The following NUDT12 variants were observed in gnomAD, a reference collection of about 807,000 sequenced individuals.
NUDT12 encodes NAD-capped RNA hydrolase NUDT12.
In NUDT12, 42 loss-of-function variants were observed where a neutral mutation model predicts 45.7. The ratio of observed to expected loss-of-function variants is 0.92; its 90% CI spans 0.72 to 1.19. The LOEUF is 1.19. NUDT12 is among the 50% of genes most tolerant of loss of function. NUDT12 has a pLI of 0.00. For synonymous variants in NUDT12, 206 were observed against 179.7 expected, an observed-to-expected ratio of 1.15 and a Z score of -1.17; for missense variants, 590 against 533.1, an observed-to-expected ratio of 1.11 and a Z score of -1.05.
rs1226330419 is a variant in NUDT12 at position 103,549,192 on chromosome 5, A to T, written c.*1669T>A. 2 of 152,080 alleles carry T rather than the reference A, an allele frequency of 1.3e-5. No homozygotes were observed. The highest frequency in any genetic ancestry group is 6.6e-5 in the Admixed American group (1 of 15,266). 9.4% of individuals were successfully genotyped at this position (152,080 alleles called of 1,614,324 possible). On this transcript the variant is annotated 3_prime_UTR_variant, in exon 7 of 7. Transcript: ENST00000230792. ...AAAAGTACATTTAGAGTAAAACTGA[A>T]TTTCAAGATGCTCTATTTCATAATA...
chr5:103,555,475 ATTC>A (rs1748785118), intron 4 of NUDT12, among the ~76,000 whole-genome samples: 1 of 151,972 alleles, frequency 6.6e-6, no homozygotes, highest in South Asian at 2.1e-4. Context: ...GAGCCTATCT[ATTC>A]TTCTTTCACA....
At chr5:103,554,237 T>G (rs932783452) in intron 5 of NUDT12, among the ~76,000 whole-genome samples, 3 of 152,086 alleles carry the variant, frequency 2.0e-5, no homozygotes, top group Non-Finnish European at 1.5e-5. Context: ...AAAGTCCCTG[T>G]GCTTATGAAA....
chr5:103,553,677 A>G (rs1021126460), intron 5 of NUDT12, among the ~76,000 whole-genome samples: 4 of 152,100 alleles, frequency 2.6e-5, no homozygotes, highest in African/African-American at 9.7e-5. Context: ...TAAAAATATT[A>G]ATTGCAGTGC....
chr5:103,550,976 AAC>A lies in NUDT12; in HGVS notation c.1279-7_1279-6del. The A allele has an allele frequency of 6.3e-7, 1 of 1,598,458 alleles. No homozygotes were observed. The highest frequency in any genetic ancestry group is 8.6e-7 in the Non-Finnish European group (1 of 1,165,992). ...TTTGGTCAGAACATCCAGGACCTAA[AAC>A]ACACCATAATAGAATGCATTAGGAT... On this transcript the variant is annotated splice_polypyrimidine_tract_variant and splice_region_variant and intron_variant, in intron 6 of 6. Transcript: ENST00000230792.
At chr5:103,558,376 C>T (rs1748902569) in intron 3 of NUDT12, among the ~76,000 whole-genome samples, 1 of 152,012 alleles carries the variant, frequency 6.6e-6, no homozygotes, top group Admixed American at 6.6e-5. Flanking sequence ...TACTCAATTC[C>T]CTCTTAACAA....
intron 3 of NUDT12, among the ~76,000 whole-genome samples, chr5:103,558,011 A>G (rs1242293058): frequency 2.0e-5 from 3 of 151,882 alleles, no homozygotes; most frequent in African/African-American, 4.8e-5. Context: ...TCTAACCATC[A>G]TCCTATATTA....
In NUDT12 at chr5:103,550,216, G is replaced by A. The variant is rs1327294926; in HGVS notation, c.*645C>T. The A allele has an allele frequency of 6.6e-6, 1 of 152,110 alleles. No homozygotes were observed. The highest frequency in any genetic ancestry group is 1.5e-5 in the Non-Finnish European group (1 of 68,028). The allele number at this position is 152,110 out of a possible 1,614,324, so 9.4% of individuals were successfully genotyped here. ...AGTATGCTTTTCTCCTTCCATGAGG[G>A]TGTGGTATTGAGATCACTATTAAAT... On this transcript the variant is annotated 3_prime_UTR_variant, in exon 7 of 7. Coordinates refer to ENST00000230792, the MANE Select transcript of NUDT12 (RefSeq NM_031438.4).
At chr5:103,554,978 T>C (rs1271137424) in intron 4 of NUDT12, 125 bp from the exon 5 acceptor site, 1 of 411,758 alleles carries the variant, frequency 2.4e-6, no homozygotes, top group Non-Finnish European at 4.4e-6. Context: ...CTTGTCTGGT[T>C]GTAAGAGATT....
chr5:103,561,455 A>C (rs1749029874), intron 1 of NUDT12, among the ~76,000 whole-genome samples: 1 of 152,200 alleles, frequency 6.6e-6, no homozygotes, highest in Non-Finnish European at 1.5e-5. Flanking sequence ...ACAGTCATGG[A>C]AACACTTGGA....
chr5:103,556,399 A>G (rs967944569), intron 3 of NUDT12, among the ~76,000 whole-genome samples: 1 of 152,028 alleles, frequency 6.6e-6, no homozygotes, highest in African/African-American at 2.4e-5. Flanking sequence ...TGGGGTATTC[A>G]TGATTCTAGT....
intron 2 of NUDT12, 33 bp downstream of exon 2, chr5:103,560,010 A>C: frequency 6.9e-7 from 1 of 1,458,900 alleles, no homozygotes; most frequent in Non-Finnish European, 9.6e-7. Flanking sequence ...TAAACCACAA[A>C]CCCTTTCAGG....
rs1019291922 is a variant in NUDT12, at chr5:103,559,104, G to A, written c.571C>T (p.Pro191Ser). Residue 191 changes from proline to serine, a missense_variant, in exon 3 of 7, where the codon CCT (proline) becomes TCT (serine). Pro to Ser is a moderately conservative substitution (Grantham distance 74). Transcript: ENST00000230792. ...YTDIKDYLAQ[P>S]EKITLIFLGV... The stretch of plus-strand genomic sequence containing the variant: ...AGAAAAATCAAGGTGATCTTCTCAG[G>A]CTGGGCCAAATAATCCTTTATATCT... 2 of 1,610,340 alleles carry A rather than the reference G, an allele frequency of 1.2e-6. No individual in the cohort carries two copies. The highest frequency in any genetic ancestry group is 2.7e-5 in the African/African-American group (2 of 74,740).
intron 6 of NUDT12, 150 bp from the exon 7 acceptor site, chr5:103,551,121 G>GT (rs370123789): frequency 0.19 from 89,152 of 465,986 alleles, no homozygotes; most frequent in South Asian, 0.26. Context: ...TACATGCAAA[G>GT]TTTTTTTTTT....
intron 1 of NUDT12, among the ~76,000 whole-genome samples, chr5:103,561,799 C>T (rs1749040631): frequency 6.6e-6 from 1 of 152,218 alleles, no homozygotes; most frequent in South Asian, 2.1e-4. Context: ...CACTCCCTCA[C>T]ATTCTCACAG....
rs774002269 is a variant in NUDT12 at position 103,552,467 on chromosome 5, CTT to C, written c.1079-53_1079-52del. 4 of 1,398,884 alleles carry C rather than the reference CTT, an allele frequency of 2.9e-6. No individual in the cohort carries two copies. The African/African-American group carries it at 5.7e-5, about 20-fold the overall frequency. 86.7% of individuals were successfully genotyped at this position (1,398,884 alleles called of 1,614,324 possible). On this transcript the variant is annotated intron_variant, in intron 5 of 6. Coordinates refer to ENST00000230792, the MANE Select transcript of NUDT12 (RefSeq NM_031438.4). ...GTTGCTGATGAACATGCCCGGGACA[CTT>C]TGTGTCCTGAATGGTTCAAACATCT...
intron 6 of NUDT12, 151 bp from the exon 7 acceptor site, chr5:103,551,122 T>G: frequency 3.5e-6 from 1 of 286,162 alleles, no homozygotes; most frequent in Non-Finnish European, 6.4e-6. Flanking sequence ...ACATGCAAAG[T>G]TTTTTTTTTT....
At chr5:103,553,728 C>A (rs923548491) in intron 5 of NUDT12, among the ~76,000 whole-genome samples, 4 of 152,070 alleles carry the variant, frequency 2.6e-5, no homozygotes, top group Non-Finnish European at 4.4e-5. Context: ...AATGTCCAAT[C>A]AGCAGAATGG....
In NUDT12 at chr5:103,559,276, T is replaced by C. The variant is rs7734923; in HGVS notation, c.399A>G (p.Arg133=). ...KTLLDRKSEK[R]NNSDWLLAKE... is the part of the protein sequence containing the mutation. Reference sequence around the variant, plus strand: ...TAGCTAGCAGCCAGTCAGAATTATTTCTCTTTTCACTTTTCCGGTCCAGTA... The same window carrying C: ...TAGCTAGCAGCCAGTCAGAATTATTCCTCTTTTCACTTTTCCGGTCCAGTA... Residue 133 remains arginine, a synonymous_variant, in exon 3 of 7, where the codon AGA becomes AGG. Coordinates refer to ENST00000230792, the MANE Select transcript of NUDT12 (RefSeq NM_031438.4). 231,000 of 1,601,672 alleles carry C rather than the reference T, an allele frequency of 0.14. 17,923 individuals carry two copies. Among genetic ancestry groups the C allele is most frequent in the Middle Eastern group, 0.2 (1,192 of 5,966 alleles).
intron 5 of NUDT12, 185 bp downstream of exon 5, chr5:103,554,555 T>C: frequency 3.2e-6 from 1 of 311,404 alleles, no homozygotes; most frequent in Non-Finnish European, 5.8e-6. Context: ...AAGTAATTTA[T>C]ATAATTCTCA....
Sources: allele counts gnomAD v4.1 joint callset (sites outside exome capture counted in the v4.1 genomes callset), GRCh38; gene constraint gnomAD v4.1.1; transcripts MANE v1.5; gene names NCBI Gene and HGNC (gene_info 2026-07-23, HGNC 2026-07-21).